Variants in TGFBR1 observed in about 807,000 individuals in gnomAD.
The protein encoded by TGFBR1 is TGF-beta receptor type-1.
Under a neutral mutation model 55.1 loss-of-function variants are expected in TGFBR1, and 20 were observed. The observed-to-expected ratio is 0.36, with a 90% confidence interval of 0.26 to 0.53. The LOEUF is 0.53. Among genes scored for constraint, TGFBR1 ranks in the 20% least tolerant of loss-of-function variants. TGFBR1 has a pLI of 0.91. For missense variants in TGFBR1, 385 were observed against 617.6 expected, an observed-to-expected ratio of 0.62 and a Z score of 3.99; for synonymous variants, 220 against 214.8, an observed-to-expected ratio of 1.02 and a Z score of -0.21.
chr9:99,121,672 A>G (rs970144603), intron 1 of TGFBR1, among the ~76,000 whole-genome samples: 7 of 152,150 alleles, frequency 4.6e-5, no homozygotes, highest in African/African-American at 1.4e-4. Flanking sequence ...AGCAAACTGC[A>G]TAAAGGACAT....
At chr9:99,132,375 C>A in intron 2 of TGFBR1, 134 bp from the exon 3 acceptor site, 1 of 1,464,312 alleles carries the variant, frequency 6.8e-7, no homozygotes, top group African/African-American at 1.4e-5. Flanking sequence ...CTGTAAACTG[C>A]TGTAATGAGG....
chr9:99,124,558 A>G (rs1313257042), intron 1 of TGFBR1, among the ~76,000 whole-genome samples: 5 of 152,160 alleles, frequency 3.3e-5, no homozygotes, highest in Non-Finnish European at 7.4e-5. Flanking sequence ...AAATCTATCT[A>G]TTAATAAAAT....
intron 5 of TGFBR1, among the ~76,000 whole-genome samples, chr9:99,143,676 T>C (rs992205812): frequency 6.6e-6 from 1 of 152,190 alleles, no homozygotes; most frequent in African/African-American, 2.4e-5. Context: ...CATCATAAAG[T>C]TCACCCACTT....
chr9:99,108,638 C>G (rs1011944768), intron 1 of TGFBR1, among the ~76,000 whole-genome samples: 1 of 152,242 alleles, frequency 6.6e-6, no homozygotes, highest in East Asian at 1.9e-4. Flanking sequence ...TGTGAAAGTT[C>G]TTTTGAAGTT....
Position 99,149,711 on chromosome 9 carries a change from T to A in TGFBR1, c.*406T>A, listed in dbSNP as rs750730238. The stretch of plus-strand genomic sequence containing the variant: ...AAGAAAGTGATTTACTCCTGGTTAG[T>A]ACATTCTCAGAGGATTCTGAACCAC... On this transcript the variant is annotated 3_prime_UTR_variant, in exon 9 of 9. Coordinates refer to ENST00000374994, the MANE Select transcript of TGFBR1 (RefSeq NM_004612.4). 3 of 288,008 alleles carry A rather than the reference T, an allele frequency of 1.0e-5. No individual in the cohort carries two copies. The highest frequency in any genetic ancestry group is 2.2e-5 in the African/African-American group (1 of 46,094). 17.8% of individuals were successfully genotyped at this position (288,008 alleles called of 1,614,324 possible).
At chr9:99,136,228 T>C (rs1362574446) in intron 3 of TGFBR1, among the ~76,000 whole-genome samples, 1 of 152,184 alleles carries the variant, frequency 6.6e-6, no homozygotes, top group Non-Finnish European at 1.5e-5. Context: ...TGGATCAAGA[T>C]TTGCTTTTTA....
chr9:99,145,265 A>G (rs1827756015), intron 6 of TGFBR1, among the ~76,000 whole-genome samples: 1 of 152,118 alleles, frequency 6.6e-6, no homozygotes, highest in Non-Finnish European at 1.5e-5. Flanking sequence ...CAGTTCCTAA[A>G]AATATGCCTT....
intron 3 of TGFBR1, among the ~76,000 whole-genome samples, chr9:99,135,171 A>G (rs1827394293): frequency 6.6e-6 from 1 of 152,192 alleles, no homozygotes; most frequent in Non-Finnish European, 1.5e-5. Context: ...ATACAGTATC[A>G]GTTGACCACA....
chr9:99,112,008 A>G (rs1826598797), intron 1 of TGFBR1, among the ~76,000 whole-genome samples: 1 of 152,092 alleles, frequency 6.6e-6, no homozygotes. Context: ...TTGGCTGGAG[A>G]GGATGGCATG....
intron 1 of TGFBR1, among the ~76,000 whole-genome samples, chr9:99,123,889 G>T (rs1424453617): frequency 6.6e-6 from 1 of 152,144 alleles, no homozygotes; most frequent in Non-Finnish European, 1.5e-5. Flanking sequence ...AATCATTTAT[G>T]TTCGTTTCCA....
upstream of TGFBR1, chr9:99,105,009 G>A (rs988543115): frequency 3.8e-4 from 129 of 342,876 alleles, no homozygotes; most frequent in African/African-American, 2.6e-3. Flanking sequence ...GCTGGGTCCC[G>A]CTTGGCAGCT....
chr9:99,129,110 A>G lies in TGFBR1; in HGVS notation c.343+10A>G. 2 of 1,613,662 alleles carry G rather than the reference A, an allele frequency of 1.2e-6. No individual in the cohort carries two copies. The highest frequency in any genetic ancestry group is 1.3e-5 in the African/African-American group (1 of 75,032). The stretch of plus-strand genomic sequence containing the variant: ...GAACTTCCAACTACTGGTAAGTTGT[A>G]TAAAATTTTTTTCCTAGATACTACA... On this transcript the variant is annotated intron_variant, in intron 2 of 8. Transcript: ENST00000374994.
At chr9:99,145,112 A>G (rs1426304165) in intron 6 of TGFBR1, among the ~76,000 whole-genome samples, 1 of 152,230 alleles carries the variant, frequency 6.6e-6, no homozygotes, top group Non-Finnish European at 1.5e-5. Flanking sequence ...ATCATTAGGC[A>G]TGTTAATTAT....
At chr9:99,114,802 T>C (rs149008595) in intron 1 of TGFBR1, among the ~76,000 whole-genome samples, 1 of 152,350 alleles carries the variant, frequency 6.6e-6, no homozygotes, top group East Asian at 1.9e-4. Flanking sequence ...ATCAGAGTAC[T>C]GCTACCAAAG....
In TGFBR1 at chr9:99,152,733, TA is replaced by T. The variant is rs78078491; in HGVS notation, c.*3430del. 1.5e-3 allele frequency: 347 copies of T among 227,658 alleles called. 2 individuals are homozygous for T. In the East Asian group the frequency reaches 0.019, roughly 13 times the overall value. 14.1% of individuals were successfully genotyped at this position (227,658 alleles called of 1,614,324 possible). On this transcript the variant is annotated 3_prime_UTR_variant, in exon 9 of 9. Transcript: ENST00000374994. Reference sequence around the variant, plus strand: ...GGCTCCAAATGGTAGTGATTCCAAATAATGGTTCTGTTAACACTTTGGCAGA... The same window carrying T: ...GGCTCCAAATGGTAGTGATTCCAAATATGGTTCTGTTAACACTTTGGCAGA...
At chr9:99,138,861 A>T (rs1243147090) in intron 4 of TGFBR1, among the ~76,000 whole-genome samples, 1 of 151,726 alleles carries the variant, frequency 6.6e-6, no homozygotes, top group Non-Finnish European at 1.5e-5. Context: ...ACAGTGGTGC[A>T]ATCTCGGCTC....
chr9:99,112,493 T>G (rs1250535152), intron 1 of TGFBR1, among the ~76,000 whole-genome samples: 1 of 152,248 alleles, frequency 6.6e-6, no homozygotes, highest in Non-Finnish European at 1.5e-5. Flanking sequence ...ATGTACTTAT[T>G]TACTGTTTAT....
chr9:99,137,822 G>A (rs375556473), intron 3 of TGFBR1, 37 bp from the exon 4 acceptor site: 1 of 1,541,712 alleles, frequency 6.5e-7, no homozygotes, highest in Non-Finnish European at 9.0e-7. Context: ...ATGTAATATT[G>A]TTGATTGTGT....
At chr9:99,114,511 T>G (rs1453170011) in intron 1 of TGFBR1, among the ~76,000 whole-genome samples, 1 of 152,170 alleles carries the variant, frequency 6.6e-6, no homozygotes, top group Admixed American at 6.5e-5. Flanking sequence ...ATAATCTGAT[T>G]CTTGTTCTGA....
Sources: gnomAD v4.1 joint callset for allele counts (sites outside exome capture counted in the v4.1 genomes callset) on GRCh38, gnomAD v4.1.1 for gene constraint, MANE v1.5 for transcripts, NCBI Gene and HGNC (gene_info 2026-07-23, HGNC 2026-07-21) for gene names.